The following ZMYND8 variants were observed in gnomAD, a reference collection of about 807,000 sequenced individuals.
ZMYND8 encodes the protein MYND-type zinc finger-containing chromatin reader ZMYND8.
Under a neutral mutation model 140.8 loss-of-function variants are expected in ZMYND8, and 37 were observed. The ratio of observed to expected loss-of-function variants is 0.26; its 90% CI spans 0.20 to 0.35. ZMYND8 has a LOEUF of 0.35. Among genes scored for constraint, ZMYND8 ranks in the 10% least tolerant of loss-of-function variants. The pLI is 1.00. For missense variants in ZMYND8, 1,068 were observed against 1,570.0 expected (o/e 0.68, Z 5.40); for synonymous variants, 592 against 597.1 (o/e 0.99, Z 0.12).
At chr20:47,294,825 A>G in intron 4 of ZMYND8, 46 bp from the exon 5 acceptor site, 1 of 1,540,950 alleles carries the variant, frequency 6.5e-7, no homozygotes, top group Non-Finnish European at 9.0e-7. Context: ...GAAAAAAGAA[A>G]TTACCATCCA....
chr20:47,304,668 C>T (rs1327387872), intron 3 of ZMYND8, among the ~76,000 whole-genome samples: 2 of 152,236 alleles, frequency 1.3e-5, no homozygotes, highest in Non-Finnish European at 2.9e-5. Context: ...CTATCATTCT[C>T]CTACATCTGG....
At chr20:47,307,261 G>A (rs1295522008) in intron 3 of ZMYND8, among the ~76,000 whole-genome samples, 1 of 151,710 alleles carries the variant, frequency 6.6e-6, no homozygotes, top group East Asian at 1.9e-4. Context: ...GACCAGCCTG[G>A]CCAACATGGC....
intron 20 of ZMYND8, among the ~76,000 whole-genome samples, chr20:47,221,063 G>A (rs1462577666): frequency 3.3e-5 from 5 of 152,056 alleles, no homozygotes; most frequent in African/African-American, 9.7e-5. Context: ...TTCCATCATC[G>A]CAGAAAGTTC....
At chr20:47,249,032 T>C (rs1174712244) in intron 13 of ZMYND8, among the ~76,000 whole-genome samples, 1 of 152,106 alleles carries the variant, frequency 6.6e-6, no homozygotes, top group African/African-American at 2.4e-5. Flanking sequence ...CCTTGATGAT[T>C]CAAACCTGTA....
intron 21 of ZMYND8, 60 bp downstream of exon 21, chr20:47,220,198 G>A: frequency 2.1e-6 from 3 of 1,406,340 alleles, no homozygotes; most frequent in Non-Finnish European, 2.9e-6. Context: ...TGACAAAATG[G>A]CTCCCCATCT....
chr20:47,241,327 A>T (rs1039075051), intron 14 of ZMYND8, among the ~76,000 whole-genome samples: 12 of 152,064 alleles, frequency 7.9e-5, no homozygotes, highest in Middle Eastern at 3.4e-3. Context: ...TTCTTTAAAT[A>T]AAAAAAGTCA....
chr20:47,270,350 A>G, intron 11 of ZMYND8, among the ~76,000 whole-genome samples: 1 of 149,048 alleles, frequency 6.7e-6, no homozygotes. Flanking sequence ...CCCAGCCTGG[A>G]AGACAAGAGT....
chr20:47,227,837 A>G (rs972343026), intron 17 of ZMYND8, among the ~76,000 whole-genome samples: 3 of 152,312 alleles, frequency 2.0e-5, no homozygotes, highest in Non-Finnish European at 4.4e-5. Context: ...TCGCGCCTGT[A>G]ATGCTAGCAC....
At chr20:47,313,097 G>C (rs1312066115) in intron 2 of ZMYND8, among the ~76,000 whole-genome samples, 1 of 152,012 alleles carries the variant, frequency 6.6e-6, no homozygotes, top group Non-Finnish European at 1.5e-5. Context: ...CGGACACAGT[G>C]TTCACACCTG....
chr20:47,209,655 TATAC>T lies in ZMYND8; in HGVS notation c.*1102_*1105del, dbSNP rs757139628. 2.0e-5 allele frequency: 3 copies of T among 152,682 alleles called. No homozygotes were observed. The highest frequency in any genetic ancestry group is 3.8e-4 in the East Asian group (2 of 5,200). 9.5% of individuals were successfully genotyped at this position (152,682 alleles called of 1,614,324 possible). The stretch of plus-strand genomic sequence containing the variant: ...TGATATCGTACAATTAATTTTCTCA[TATAC>T]ATACATCACCTTTTGCTTTTTCATC... On this transcript the variant is annotated 3_prime_UTR_variant, in exon 23 of 23. Coordinates refer to ENST00000471951, the MANE Select transcript of ZMYND8 (RefSeq NM_001281775.3).
chr20:47,224,567 A>C lies in ZMYND8; in HGVS notation c.3017-11T>G. 6.2e-7 allele frequency: 1 copy of C among 1,611,936 alleles called. No individual in the cohort carries two copies. Among genetic ancestry groups the C allele is most frequent in the South Asian group, 1.1e-5 (1 of 91,076 alleles). ...CCGCCATGGTCAGCTCTGGTGGAGG[A>C]GGGGAAGAACACCGCTCATCACCTG... On this transcript the variant is annotated splice_polypyrimidine_tract_variant and intron_variant, in intron 18 of 22. Coordinates refer to ENST00000471951, the MANE Select transcript of ZMYND8 (RefSeq NM_001281775.3).
At chr20:47,257,754 G>A (rs528420684) in intron 12 of ZMYND8, among the ~76,000 whole-genome samples, 14 of 152,024 alleles carry the variant, frequency 9.2e-5, no homozygotes, top group Non-Finnish European at 1.6e-4. Context: ...TAGTGTAACA[G>A]TATAATATAA....
intron 21 of ZMYND8, among the ~76,000 whole-genome samples, chr20:47,217,523 T>C (rs927107536): frequency 5.9e-5 from 9 of 152,160 alleles, no homozygotes; most frequent in Admixed American, 6.5e-5. Context: ...AATGCCAAGT[T>C]CGTATCCTTC....
At chr20:47,261,506 C>G (rs1449151478) in intron 12 of ZMYND8, among the ~76,000 whole-genome samples, 1 of 151,862 alleles carries the variant, frequency 6.6e-6, no homozygotes, top group African/African-American at 2.4e-5. Flanking sequence ...CCACTGCACT[C>G]CAGCCTGGGT....
intron 5 of ZMYND8, among the ~76,000 whole-genome samples, chr20:47,294,200 A>AT (rs2077488094): frequency 1.3e-5 from 2 of 151,668 alleles, no homozygotes; most frequent in Non-Finnish European, 2.9e-5. Context: ...ATACAAAAAA[A>AT]AAAATAGCCA....
At chr20:47,320,267 G>C (rs1277461690) in intron 2 of ZMYND8, 1 of 152,218 alleles carries the variant, frequency 6.6e-6, no homozygotes, top group Non-Finnish European at 1.5e-5. Flanking sequence ...ATCTGCCCTG[G>C]ATGGTATCTC....
chr20:47,291,129 G>T (rs80020316), intron 6 of ZMYND8, among the ~76,000 whole-genome samples: 2 of 152,086 alleles, frequency 1.3e-5, no homozygotes, highest in East Asian at 3.8e-4. Context: ...ACACCATGAA[G>T]GTATGTGCAA....
intron 12 of ZMYND8, among the ~76,000 whole-genome samples, chr20:47,251,081 C>G (rs2074132038): frequency 6.6e-6 from 1 of 151,898 alleles, no homozygotes; most frequent in South Asian, 2.1e-4. Flanking sequence ...ATCACACTTA[C>G]AGACTGCCCC....
chr20:47,212,510 G>C, intron 22 of ZMYND8, 132 bp downstream of exon 22: 2 of 1,015,116 alleles, frequency 2.0e-6, no homozygotes, highest in South Asian at 2.7e-5. Context: ...CGTTGCAAAG[G>C]AAGACCCACA....
Sources: allele counts gnomAD v4.1 joint callset (sites outside exome capture counted in the v4.1 genomes callset), GRCh38; gene constraint gnomAD v4.1.1; transcripts MANE v1.5; gene names NCBI Gene and HGNC (gene_info 2026-07-23, HGNC 2026-07-21).